The following HMGXB4 variants were observed in gnomAD, a reference collection of about 807,000 sequenced individuals.
HMGXB4 encodes HMG domain-containing protein 4.
A neutral mutation model predicts 63.9 loss-of-function variants in HMGXB4; 27 were observed. That is an observed-to-expected ratio of 0.42 (90% CI 0.31 to 0.58). HMGXB4 has a LOEUF of 0.58. HMGXB4 is among the 20% of genes least tolerant of loss of function. HMGXB4 has a pLI of 0.13. For missense variants in HMGXB4, 624 were observed against 700.7 expected (o/e 0.89, Z 1.24); for synonymous variants, 264 against 265.3 (o/e 0.99, Z 0.05).
chr22:35,285,935 A>G lies in HMGXB4; in HGVS notation c.1298-62A>G, dbSNP rs1924550355. The G allele has an allele frequency of 7.1e-6, 9 of 1,259,222 alleles. 1 individual carries two copies. The South Asian group carries it at 1.1e-4, about 15-fold the overall frequency. 78.0% of individuals were successfully genotyped at this position (1,259,222 alleles called of 1,614,324 possible). A position where few individuals can be genotyped will look rare whatever the true frequency, so the allele number is the denominator to read the frequency against. ...CCTTTTCCAGTTTTTGCTTTCACCA[A>G]TCTTCTATTTTGTTAATAGCTAACC... On this transcript the variant is annotated intron_variant, in intron 6 of 10. Transcript: ENST00000216106.
At chr22:35,256,882 T>G (rs888150411), upstream of HMGXB4, among the ~76,000 whole-genome samples, 1 of 152,224 alleles carries the variant, frequency 6.6e-6, no homozygotes, top group African/African-American at 2.4e-5. Flanking sequence ...TCAGAAAAAT[T>G]GTGTTCTCGC....
the HMGXB4 span, among the ~76,000 whole-genome samples, chr22:35,249,445 G>A: frequency 7.2e-5 from 7 of 97,814 alleles, 2 homozygotes; most frequent in African/African-American, 1.8e-4. Flanking sequence ...TTAACTTCTT[G>A]ACTCTTACCA....
chr22:35,284,142 GTTTC>G (rs1924430499), intron 6 of HMGXB4, 99 bp downstream of exon 6: 3 of 852,176 alleles, frequency 3.5e-6, no homozygotes, highest in Non-Finnish European at 5.8e-6. Context: ...CATAAATCTT[GTTTC>G]TTTCCTCAGT....
chr22:35,263,120 C>A lies in HMGXB4; in HGVS notation c.74C>A (p.Ala25Glu). Residue 25 changes from alanine (A) to glutamate (E), a missense_variant, in exon 3 of 11, where the codon GCA becomes GAA. Physicochemically the swap from Ala to Glu is moderately radical, Grantham distance 107. Coordinates refer to ENST00000216106, the MANE Select transcript of HMGXB4 (RefSeq NM_001003681.3). ...GDHTFEDIGL[A>E]AGRSQREKKR... ...CATACCTTTGAGGACATAGGACTTG[C>A]AGCTGGCCGAAGCCAACGAGAGAAA... is the stretch of plus-strand genomic sequence containing the variant. 1 of 1,613,862 alleles carries A rather than the reference C, an allele frequency of 6.2e-7. No homozygotes were observed. Among genetic ancestry groups the A allele is most frequent in the Non-Finnish European group, 8.5e-7 (1 of 1,179,862 alleles).
Position 35,264,758 on chromosome 22 carries a change from T to C in HMGXB4, c.370T>C (p.Ser124Pro). 1 of 1,614,166 alleles carries C rather than the reference T, an allele frequency of 6.2e-7. No individual in the cohort carries two copies. The highest frequency in any genetic ancestry group is 8.5e-7 in the Non-Finnish European group (1 of 1,180,020). The stretch of plus-strand genomic sequence containing the variant: ...TATCACTTCCCCACTGGCAGCAGGC[T>C]CCAAGCCCTCCAAAAAGACTGGGGA... ...KAITSPLAAG[S>P]KPSKKTGEKS... Residue 124 changes from serine to proline, a missense_variant, in exon 5 of 11, where the codon TCC (serine) becomes CCC (proline). Ser to Pro is a moderately conservative substitution (Grantham distance 74). Coordinates refer to ENST00000216106, the MANE Select transcript of HMGXB4 (RefSeq NM_001003681.3).
rs756498233 is a variant in HMGXB4, at chr22:35,264,782, G to A, written c.394G>A (p.Glu132Lys). Reference protein sequence around the residue: ...AGSKPSKKTGEKSSGSSSHSE... With the variant: ...AGSKPSKKTGKKSSGSSSHSE... ...CTCCAAGCCCTCCAAAAAGACTGGG[G>A]AGAAATCCTCTGGCTCTTCAAGCCA... The change falls in exon 5 of 11, where the codon GAG (glutamate) becomes AAG (lysine). Residue 132 changes from glutamate to lysine, a missense_variant. Glu to Lys is a moderately conservative substitution (Grantham distance 56). Transcript: ENST00000216106. The A allele has an allele frequency of 2.8e-5, 46 of 1,614,082 alleles. No individual in the cohort carries two copies. In the Middle Eastern group the frequency reaches 6.6e-4, roughly 23 times the overall value.
chr22:35,291,778 T>G (rs1309387574), intron 9 of HMGXB4, among the ~76,000 whole-genome samples: 2 of 152,184 alleles, frequency 1.3e-5, no homozygotes, highest in African/African-American at 2.4e-5. Context: ...TAAACAGACT[T>G]AAAGAGGTGA....
rs755881528 is a variant in HMGXB4, at chr22:35,265,486, C to T, written c.1098C>T (p.Ile366=). 1 of 1,614,042 alleles carries T rather than the reference C, an allele frequency of 6.2e-7. No individual in the cohort carries two copies. Among genetic ancestry groups the T allele is most frequent in the Admixed American group, 1.7e-5 (1 of 60,012 alleles). Residue 366 remains isoleucine (I), a synonymous_variant, in exon 5 of 11, where the codon ATC becomes ATT. Coordinates refer to ENST00000216106, the MANE Select transcript of HMGXB4 (RefSeq NM_001003681.3). ...TGACATCTGGCCCTCCTCCCAGCAT[C>T]CCATACGCTGGAGCAGCAGCACCTC... ...VTVTSGPPPS[I]PYAGAAAPPL...
chr22:35,288,735 TA>T (rs1924743622), intron 9 of HMGXB4, among the ~76,000 whole-genome samples: 1 of 151,982 alleles, frequency 6.6e-6, no homozygotes, highest in African/African-American at 2.4e-5. Flanking sequence ...CCTGTAATGC[TA>T]ATTTGGGAGG....
rs567568515 is a variant in HMGXB4, at chr22:35,293,859, T to C, written c.*208T>C. On this transcript the variant is annotated 3_prime_UTR_variant, in exon 11 of 11. Transcript: ENST00000216106. ...ATAATTTTATGAAATGGCAAAGGTT[T>C]AGCCAAGAGGAAATTTTGGCATGAA... 1.9e-5 allele frequency: 6 copies of C among 321,254 alleles called. No individual in the cohort carries two copies. Among genetic ancestry groups the C allele is most frequent in the Admixed American group, 1.4e-4 (3 of 21,150 alleles). 19.9% of individuals were successfully genotyped at this position (321,254 alleles called of 1,614,324 possible).
At chr22:35,255,656 T>C (rs1384166075), upstream of HMGXB4, among the ~76,000 whole-genome samples, 1 of 152,242 alleles carries the variant, frequency 6.6e-6, no homozygotes, top group African/African-American at 2.4e-5. Context: ...AGGACCAGCT[T>C]GAGTTACCTC....
chr22:35,280,188 G>A (rs1051865774), intron 5 of HMGXB4, among the ~76,000 whole-genome samples: 4 of 151,982 alleles, frequency 2.6e-5, no homozygotes, highest in South Asian at 2.1e-4. Context: ...CCACCCTTAC[G>A]GGAATGCAAA....
intron 9 of HMGXB4, among the ~76,000 whole-genome samples, chr22:35,289,435 G>C (rs903004618): frequency 1.3e-5 from 2 of 152,172 alleles, no homozygotes; most frequent in African/African-American, 2.4e-5. Flanking sequence ...CCTCCAGCCT[G>C]GGTGACAGAG....
At chr22:35,247,370 A>C in the HMGXB4 span, among the ~76,000 whole-genome samples, 2 of 152,146 alleles carry the variant, frequency 1.3e-5, no homozygotes, top group Non-Finnish European at 2.9e-5. Flanking sequence ...AGCTACAGAG[A>C]TTGTTCCCTC....
intron 9 of HMGXB4, among the ~76,000 whole-genome samples, chr22:35,291,666 A>C (rs944692136): frequency 2.0e-5 from 3 of 152,168 alleles, no homozygotes; most frequent in Non-Finnish European, 4.4e-5. Context: ...TTGAAGGCTC[A>C]CTCACCCAGC....
chr22:35,274,493 C>G (rs1251243149), intron 5 of HMGXB4, among the ~76,000 whole-genome samples: 1 of 152,208 alleles, frequency 6.6e-6, no homozygotes, highest in Non-Finnish European at 1.5e-5. Context: ...CTCGTATGTT[C>G]TAGGCACTAC....
chr22:35,290,563 G>A (rs1229318867), intron 9 of HMGXB4, among the ~76,000 whole-genome samples: 2 of 150,522 alleles, frequency 1.3e-5, no homozygotes, highest in African/African-American at 4.9e-5. Context: ...CCCAGGAGGC[G>A]GAGCTTGCAG....
chr22:35,253,351 G>A (rs1297661565), upstream of HMGXB4, among the ~76,000 whole-genome samples: 1 of 152,112 alleles, frequency 6.6e-6, no homozygotes, highest in Non-Finnish European at 1.5e-5. Flanking sequence ...TATGGACTTA[G>A]ACTTGTTTTA....
chr22:35,253,254 A>C (rs1192468229), upstream of HMGXB4, among the ~76,000 whole-genome samples: 1 of 152,180 alleles, frequency 6.6e-6, no homozygotes, highest in African/African-American at 2.4e-5. Flanking sequence ...GAAGATAAAA[A>C]TCCATTAGGA....
Sources: gnomAD v4.1 joint callset for allele counts (sites outside exome capture counted in the v4.1 genomes callset) on GRCh38, gnomAD v4.1.1 for gene constraint, MANE v1.5 for transcripts, NCBI Gene and HGNC (gene_info 2026-07-23, HGNC 2026-07-21) for gene names.